The following CLASP1 variants were observed in gnomAD, a reference collection of about 807,000 sequenced individuals.
The protein encoded by CLASP1 is cytoplasmic linker associated protein 1.
Under a neutral mutation model 192.3 loss-of-function variants are expected in CLASP1, and 38 were observed. That is an observed-to-expected ratio of 0.20 (90% CI 0.15 to 0.26). The LOEUF is 0.26. Among genes scored for constraint, CLASP1 ranks in the 10% least tolerant of loss-of-function variants. CLASP1 has a pLI of 1.00. For missense variants in CLASP1, 1,433 were observed against 1,932.5 expected, an observed-to-expected ratio of 0.74 and a Z score of 4.85; for synonymous variants, 691 against 712.8, an observed-to-expected ratio of 0.97 and a Z score of 0.49.
At chr2:121,363,956 G>C (rs773765602) in intron 36 of CLASP1, among the ~76,000 whole-genome samples, 35 of 152,120 alleles carry the variant, frequency 2.3e-4, no homozygotes, top group Non-Finnish European at 4.4e-4. Context: ...CATCTGTACA[G>C]TTCACACACT....
At position 121,531,799 on chromosome 2, in the gene CLASP1, C is replaced by T. The variant is rs554287411; in HGVS notation, c.196-1474G>A. 2.1e-3 allele frequency among the ~76,000 whole-genome samples: 308 copies of T among 148,302 alleles called. 1 individual carries two copies. The highest frequency in any genetic ancestry group is 7.4e-3 in the African/African-American group (295 of 39,828). On this transcript the variant is annotated intron_variant, in intron 2 of 39. Coordinates refer to ENST00000263710, the Ensembl canonical transcript of CLASP1. ...AGGAGAATCGCTTGAACCTGGGAGGCGGAGGTTGCAATGAGCCAACATCGG... is the reference window on the plus strand; with the variant it reads ...AGGAGAATCGCTTGAACCTGGGAGGTGGAGGTTGCAATGAGCCAACATCGG...
At chr2:121,478,898 CA>C (rs2092233370) in intron 8 of CLASP1, among the ~76,000 whole-genome samples, 3 of 69,004 alleles carry the variant, frequency 4.3e-5, no homozygotes, top group African/African-American at 1.5e-4. Context: ...CACACACACA[CA>C]CCACACCACA....
intron 16 of CLASP1, among the ~76,000 whole-genome samples, chr2:121,449,889 T>C (rs1314585469): frequency 6.6e-6 from 1 of 152,166 alleles, no homozygotes; most frequent in African/African-American, 2.4e-5. Flanking sequence ...CAATTAGATT[T>C]TAGCACATAT....
intron 23 of CLASP1, among the ~76,000 whole-genome samples, chr2:121,414,576 G>A (rs907475710): frequency 7.2e-5 from 11 of 152,120 alleles, no homozygotes; most frequent in African/African-American, 2.4e-4. Context: ...ATCCCAGAGC[G>A]GAATGGCAGT....
intron 32 of CLASP1, among the ~76,000 whole-genome samples, chr2:121,386,442 T>C (rs2073208966): frequency 6.6e-6 from 1 of 152,162 alleles, no homozygotes; most frequent in Non-Finnish European, 1.5e-5. Context: ...CATGGGTAAC[T>C]CCCAGCCCAT....
At chr2:121,399,039 C>T (rs1013735153) in intron 28 of CLASP1, among the ~76,000 whole-genome samples, 8 of 152,068 alleles carry the variant, frequency 5.3e-5, no homozygotes, top group South Asian at 2.1e-4. Flanking sequence ...ATGGGGCCCA[C>T]GTGGAAAATG....
rs149403962 is a variant in CLASP1 at position 121,351,326 on chromosome 2, C to T, written c.4207-2608G>A. On this transcript the variant is annotated intron_variant, in intron 37 of 39. Coordinates refer to ENST00000263710, the Ensembl canonical transcript of CLASP1. Reference sequence around the variant, plus strand: ...TCTGTTCCTCTGTCTGTGACATTCACATGGCACCATATGTAGACGGCTTTG... The same window carrying T: ...TCTGTTCCTCTGTCTGTGACATTCATATGGCACCATATGTAGACGGCTTTG... 3.9e-5 allele frequency among the ~76,000 whole-genome samples: 6 copies of T among 152,368 alleles called. No individual in the cohort carries two copies. The East Asian group carries it at 1.2e-3, about 29-fold the overall frequency.
At chr2:121,568,610 A>G (rs1307076820) in intron 2 of CLASP1, among the ~76,000 whole-genome samples, 1 of 151,418 alleles carries the variant, frequency 6.6e-6, no homozygotes, top group Non-Finnish European at 1.5e-5. Flanking sequence ...CTGATTCTAA[A>G]TGTCTTAAGT....
intron 22 of CLASP1, among the ~76,000 whole-genome samples, chr2:121,419,256 A>G (rs1009726962): frequency 6.6e-6 from 1 of 152,218 alleles, no homozygotes; most frequent in Admixed American, 6.5e-5. Context: ...GGCCATCTTC[A>G]CCAAGAGAAG....
exon 40 of CLASP1, chr2:121,340,791 G>A (rs1052817799): frequency 1.1e-5 from 13 of 1,162,942 alleles, no homozygotes; most frequent in Non-Finnish European, 1.5e-5. Context: ...GCCGATGAAG[G>A]GGGTGGGGAA....
At chr2:121,435,767 T>C (rs1291202509) in intron 19 of CLASP1, among the ~76,000 whole-genome samples, 1 of 152,234 alleles carries the variant, frequency 6.6e-6, no homozygotes, top group Non-Finnish European at 1.5e-5. Context: ...CTTTTAAAAT[T>C]AAACCTCTTT....
At chr2:121,562,797 C>T (rs1375566648) in intron 2 of CLASP1, among the ~76,000 whole-genome samples, 1 of 152,190 alleles carries the variant, frequency 6.6e-6, no homozygotes, top group Admixed American at 6.5e-5. Flanking sequence ...CTCCTGCTTT[C>T]GATTTTATTC....
At chr2:121,374,043 T>G (rs930777522) in intron 34 of CLASP1, among the ~76,000 whole-genome samples, 1 of 152,200 alleles carries the variant, frequency 6.6e-6, no homozygotes, top group African/African-American at 2.4e-5. Context: ...TCCAGGGCAT[T>G]TCAGAGACCT....
chr2:121,446,250 A>C (rs1284280080), intron 19 of CLASP1, among the ~76,000 whole-genome samples: 1 of 152,246 alleles, frequency 6.6e-6, no homozygotes, highest in African/African-American at 2.4e-5. Context: ...AATAGTTTAT[A>C]AAGAACCTTT....
intron 16 of CLASP1, among the ~76,000 whole-genome samples, chr2:121,449,650 A>G (rs2085035155): frequency 6.6e-6 from 1 of 152,174 alleles, no homozygotes; most frequent in African/African-American, 2.4e-5. Flanking sequence ...AAAACAGCAT[A>G]AACAGATTAT....
At chr2:121,440,108 A>C (rs1045669613) in intron 19 of CLASP1, among the ~76,000 whole-genome samples, 4 of 147,218 alleles carry the variant, frequency 2.7e-5, no homozygotes, top group Admixed American at 6.8e-5. Context: ...AAAAAAAAAA[A>C]AAAAACTAAG....
At chr2:121,469,559 G>A (rs1287162942) in intron 9 of CLASP1, among the ~76,000 whole-genome samples, 1 of 152,088 alleles carries the variant, frequency 6.6e-6, no homozygotes, top group African/African-American at 2.4e-5. Flanking sequence ...CTCTGTGCTG[G>A]CTTCCTTCTC....
chr2:121,533,338 G>C (rs1299377355), intron 2 of CLASP1, among the ~76,000 whole-genome samples: 2 of 152,130 alleles, frequency 1.3e-5, no homozygotes, highest in Non-Finnish European at 2.9e-5. Flanking sequence ...TGAAGAAAGG[G>C]ATACATGAAA....
chr2:121,416,634 G>A (rs1234300879), intron 23 of CLASP1, among the ~76,000 whole-genome samples: 1 of 152,120 alleles, frequency 6.6e-6, no homozygotes, highest in African/African-American at 2.4e-5. Flanking sequence ...GGAAATAAAT[G>A]ACTCAGAAAC....
Sources: gnomAD v4.1 joint callset for allele counts (sites outside exome capture counted in the v4.1 genomes callset) on GRCh38, gnomAD v4.1.1 for gene constraint, MANE v1.5 for transcripts, NCBI Gene and HGNC (gene_info 2026-07-23, HGNC 2026-07-21) for gene names.